Variants in SOX6 observed in about 807,000 individuals in gnomAD.
SOX6 encodes the protein SRY-box transcription factor 6.
Under a neutral mutation model 97.8 loss-of-function variants are expected in SOX6, and 11 were observed. The observed-to-expected ratio is 0.11, with a 90% confidence interval of 0.07 to 0.19. SOX6 has a LOEUF of 0.19. Among genes scored for constraint, SOX6 ranks in the 10% least tolerant of loss-of-function variants. The pLI, the probability that SOX6 is intolerant of heterozygous loss-of-function variation, is 1.00. For missense variants in SOX6, 810 were observed against 1,039.5 expected (o/e 0.78, Z 3.04); for synonymous variants, 360 against 371.4 (o/e 0.97, Z 0.35).
intron 1 of SOX6, among the ~76,000 whole-genome samples, chr11:16,465,455 A>C (rs1860011669): frequency 6.6e-6 from 1 of 152,228 alleles, no homozygotes; most frequent in African/African-American, 2.4e-5. Context: ...TATATATAAT[A>C]ATGGAAAAAA....
rs758625287 is a variant in SOX6 at position 16,341,152 on chromosome 11, T to G, written c.97A>C (p.Ser33Arg). Residue 33 changes from serine to arginine, a missense_variant, in exon 2 of 16, where the codon AGT (serine) becomes CGT (arginine). Coordinates refer to ENST00000683767, the MANE Select transcript of SOX6 (RefSeq NM_001367873.1). ...DLTSREKEEG[S>R]DQHVASHLPL... ...AGATGGGAGGCCACATGTTGATCAC[T>G]GCCCTCTTCCTTTTCCCTTGAGGTT... The G allele has an allele frequency of 5.6e-6, 9 of 1,613,438 alleles. No homozygotes were observed. In the Admixed American group the frequency reaches 1.5e-4, roughly 27 times the overall value.
At chr11:16,189,640 A>G (rs574771003) in intron 4 of SOX6, among the ~76,000 whole-genome samples, 40 of 152,300 alleles carry the variant, frequency 2.6e-4, no homozygotes, top group African/African-American at 8.9e-4. Flanking sequence ...TAATCACTAA[A>G]GTATTTTACG....
chr11:16,590,925 A>G (rs1848143005), intron 4 of SOX6, among the ~76,000 whole-genome samples: 2 of 152,260 alleles, frequency 1.3e-5, no homozygotes, highest in African/African-American at 2.4e-5. Flanking sequence ...GTACATTTTA[A>G]AATAACTAAA....
At chr11:16,322,846 T>C (rs1319304896) in intron 2 of SOX6, among the ~76,000 whole-genome samples, 1 of 152,196 alleles carries the variant, frequency 6.6e-6, no homozygotes, top group Non-Finnish European at 1.5e-5. Flanking sequence ...ACAATGTGAA[T>C]ATAATTGTGT....
chr11:16,175,532 C>A (rs1396558838), intron 6 of SOX6, among the ~76,000 whole-genome samples: 1 of 151,858 alleles, frequency 6.6e-6, no homozygotes, highest in African/African-American at 2.4e-5. Context: ...TTTTAAATTA[C>A]ATACATTCCG....
intron 3 of SOX6, among the ~76,000 whole-genome samples, chr11:16,612,601 G>A (rs952772658): frequency 6.6e-6 from 1 of 151,798 alleles, no homozygotes; most frequent in Admixed American, 6.6e-5. Context: ...TGGGAGTGGG[G>A]GGATGGCGAT....
chr11:16,589,429 A>G (rs1848127317), intron 4 of SOX6, among the ~76,000 whole-genome samples: 1 of 152,218 alleles, frequency 6.6e-6, no homozygotes, highest in African/African-American at 2.4e-5. Context: ...ATGATTGTAG[A>G]TAATATAATC....
chr11:16,578,397 G>C (rs1848002930), intron 4 of SOX6, among the ~76,000 whole-genome samples: 1 of 151,984 alleles, frequency 6.6e-6, no homozygotes, highest in Admixed American at 6.6e-5. Flanking sequence ...CTTAGCAATT[G>C]AAACTAATTT....
intron 6 of SOX6, among the ~76,000 whole-genome samples, chr11:16,114,318 C>T (rs940477026): frequency 6.6e-6 from 1 of 152,174 alleles, no homozygotes; most frequent in Non-Finnish European, 1.5e-5. Flanking sequence ...ATTTTCTTGA[C>T]TGTGTAATCT....
intron 7 of SOX6, among the ~76,000 whole-genome samples, chr11:16,109,359 C>T (rs911452570): frequency 6.6e-6 from 1 of 152,042 alleles, no homozygotes; most frequent in Non-Finnish European, 1.5e-5. Context: ...CACCACCATG[C>T]TTTGCTAACT....
intron 4 of SOX6, among the ~76,000 whole-genome samples, chr11:16,579,946 C>A (rs112366272): frequency 6.6e-6 from 1 of 152,106 alleles, no homozygotes; most frequent in African/African-American, 2.4e-5. Context: ...CTCACCAACA[C>A]GCAAGGCATT....
At chr11:16,635,767 G>T (rs147925676) in intron 3 of SOX6, among the ~76,000 whole-genome samples, 20 of 152,272 alleles carry the variant, frequency 1.3e-4, no homozygotes, top group African/African-American at 4.8e-4. Context: ...CTCTGGACTT[G>T]GTGTCCTGAA....
chr11:16,570,331 T>C (rs1416765826), intron 4 of SOX6, among the ~76,000 whole-genome samples: 3 of 152,132 alleles, frequency 2.0e-5, no homozygotes, highest in Non-Finnish European at 2.9e-5. Context: ...GGGAAAAGCA[T>C]TAACATATTT....
chr11:16,158,426 A>G (rs1219735307), intron 6 of SOX6, among the ~76,000 whole-genome samples: 4 of 152,042 alleles, frequency 2.6e-5, no homozygotes, highest in African/African-American at 9.7e-5. Context: ...AGTGAATCTC[A>G]TTAATAGATT....
intron 3 of SOX6, among the ~76,000 whole-genome samples, chr11:16,635,600 A>G (rs1848773085): frequency 6.6e-6 from 1 of 152,380 alleles, no homozygotes; most frequent in East Asian, 1.9e-4. Flanking sequence ...AGCCAGCTAC[A>G]GAAATCTGCA....
At chr11:16,107,931 A>G (rs996133215) in intron 7 of SOX6, among the ~76,000 whole-genome samples, 7 of 152,136 alleles carry the variant, frequency 4.6e-5, no homozygotes, top group Non-Finnish European at 7.4e-5. Flanking sequence ...ATAAGGATGT[A>G]GTTTAACAGG....
At chr11:16,390,966 G>C (rs1409711523) in intron 1 of SOX6, among the ~76,000 whole-genome samples, 1 of 152,122 alleles carries the variant, frequency 6.6e-6, no homozygotes, top group Non-Finnish European at 1.5e-5. Context: ...TGATACACTG[G>C]ATTAAGAAAA....
intron 12 of SOX6, among the ~76,000 whole-genome samples, chr11:16,022,142 G>C (rs1221649071): frequency 6.6e-6 from 1 of 152,022 alleles, no homozygotes; most frequent in Non-Finnish European, 1.5e-5. Context: ...TGAGTGCTTT[G>C]CAAAAAATAC....
intron 3 of SOX6, among the ~76,000 whole-genome samples, chr11:16,237,339 C>T (rs1853055909): frequency 6.6e-6 from 1 of 151,972 alleles, no homozygotes; most frequent in Admixed American, 6.6e-5. Flanking sequence ...CTGCTACCAC[C>T]AAAAGGTTCC....
Sources: gnomAD v4.1 joint callset for allele counts (sites outside exome capture counted in the v4.1 genomes callset) on GRCh38, gnomAD v4.1.1 for gene constraint, MANE v1.5 for transcripts, NCBI Gene and HGNC (gene_info 2026-07-23, HGNC 2026-07-21) for gene names.